The following KCNAB1 variants were observed in gnomAD, a reference collection of about 807,000 sequenced individuals.
The protein encoded by KCNAB1 is potassium voltage-gated channel subfamily A regulatory beta subunit 1.
Under a neutral mutation model 64.6 loss-of-function variants are expected in KCNAB1, and 35 were observed. The observed-to-expected ratio is 0.54, with a 90% CI of 0.41 to 0.72. KCNAB1 has a LOEUF of 0.72. KCNAB1 is among the 30% of genes least tolerant of loss of function. The pLI, the probability that KCNAB1 is intolerant of heterozygous loss-of-function variation, is 0.00. For synonymous variants in KCNAB1, 177 were observed against 183.8 expected, an observed-to-expected ratio of 0.96 and a Z score of 0.30; for missense variants, 401 against 512.9, an observed-to-expected ratio of 0.78 and a Z score of 2.11.
At chr3:156,264,039 A>G (rs1254136017) in intron 1 of KCNAB1, among the ~76,000 whole-genome samples, 1 of 151,852 alleles carries the variant, frequency 6.6e-6, no homozygotes, top group Non-Finnish European at 1.5e-5. Context: ...TGAATTGTCT[A>G]TTTTTCCTTT....
chr3:156,478,887 A>C lies in KCNAB1; in HGVS notation c.658+4067A>C, dbSNP rs1441733982. ...CAATAGACAAAAAGCGAGTCCTCTC[A>C]AAAGAATGGCTGTAAATTCCAAAGG... On this transcript the variant is annotated intron_variant, in intron 8 of 13. Coordinates refer to ENST00000490337, the MANE Select transcript of KCNAB1 (RefSeq NM_172160.3). Among the ~76,000 whole-genome samples the C allele has an allele frequency of 2.0e-5, 3 of 152,210 alleles. No homozygotes were observed. In the East Asian group the frequency reaches 5.8e-4, roughly 30 times the overall value.
intron 1 of KCNAB1, among the ~76,000 whole-genome samples, chr3:156,300,189 C>T (rs113080064): frequency 8.3e-4 from 126 of 152,228 alleles, no homozygotes; most frequent in Admixed American, 4.2e-3. Context: ...TGTTCTACTA[C>T]GAAACCATCC....
At chr3:156,198,416 G>A (rs1251676969) in intron 1 of KCNAB1, among the ~76,000 whole-genome samples, 1 of 152,044 alleles carries the variant, frequency 6.6e-6, no homozygotes, top group Admixed American at 6.6e-5. Context: ...TTATTGTGTG[G>A]GAGTCTAAGT....
At chr3:156,386,248 GGACTTTATAC>G (rs1346458194) in intron 1 of KCNAB1, among the ~76,000 whole-genome samples, 36 of 152,328 alleles carry the variant, frequency 2.4e-4, no homozygotes, top group African/African-American at 8.7e-4. Context: ...CGTGATCCTA[GGACTTTATAC>G]GCTGGCCCCT....
intron 1 of KCNAB1, among the ~76,000 whole-genome samples, chr3:156,142,217 C>T (rs1350734270): frequency 6.6e-6 from 1 of 152,106 alleles, no homozygotes; most frequent in East Asian, 1.9e-4. Flanking sequence ...TTAAAATCCC[C>T]TTCACGTGGT....
chr3:156,229,647 G>A (rs1716400259), intron 1 of KCNAB1, among the ~76,000 whole-genome samples: 1 of 152,162 alleles, frequency 6.6e-6, no homozygotes, highest in East Asian at 1.9e-4. Flanking sequence ...CAGAAAAGCA[G>A]GAGGGACTAG....
chr3:156,523,393 T>A (rs891527798), intron 11 of KCNAB1, among the ~76,000 whole-genome samples: 1 of 152,174 alleles, frequency 6.6e-6, no homozygotes, highest in Non-Finnish European at 1.5e-5. Flanking sequence ...ATAGTGGTTT[T>A]CTTTGAGCAG....
intron 8 of KCNAB1, among the ~76,000 whole-genome samples, chr3:156,493,097 C>T (rs1715750174): frequency 6.6e-6 from 1 of 152,090 alleles, no homozygotes; most frequent in Admixed American, 6.6e-5. Flanking sequence ...CTGTCAAAGT[C>T]TAGACACAGT....
In KCNAB1 at chr3:156,122,394, A is replaced by G. The variant is rs372062127; in HGVS notation, c.275+1508A>G. On this transcript the variant is annotated intron_variant, in intron 1 of 13. Coordinates refer to ENST00000490337, the MANE Select transcript of KCNAB1 (RefSeq NM_172160.3). ...GCGATATACCAGAAATTTCCTTTAA[A>G]GAGTCTAATACAAGACCACAGAATT... 3.9e-5 allele frequency among the ~76,000 whole-genome samples: 6 copies of G among 152,340 alleles called. No individual in the cohort carries two copies. The East Asian group carries it at 5.8e-4, about 15-fold the overall frequency.
intron 1 of KCNAB1, among the ~76,000 whole-genome samples, chr3:156,368,111 C>A (rs937911163): frequency 6.6e-6 from 1 of 152,180 alleles, no homozygotes; most frequent in African/African-American, 2.4e-5. Context: ...ACAGAATGCC[C>A]AGTTAAATTT....
At chr3:156,426,951 G>A (rs1315808895) in intron 2 of KCNAB1, among the ~76,000 whole-genome samples, 2 of 152,206 alleles carry the variant, frequency 1.3e-5, no homozygotes, top group Admixed American at 1.3e-4. Flanking sequence ...GGTATTAGAA[G>A]CAACATGAAG....
intron 2 of KCNAB1, among the ~76,000 whole-genome samples, chr3:156,425,883 G>A (rs1024416135): frequency 3.9e-5 from 6 of 152,114 alleles, no homozygotes; most frequent in Admixed American, 6.5e-5. Context: ...GGGGAACAAG[G>A]GTTGCCACTT....
intron 1 of KCNAB1, among the ~76,000 whole-genome samples, chr3:156,329,954 G>T (rs1477005019): frequency 6.6e-6 from 1 of 151,950 alleles, no homozygotes; most frequent in African/African-American, 2.4e-5. Flanking sequence ...CGGAAAATGG[G>T]GTAAATAGAG....
chr3:156,466,162 G>A (rs1199003330), intron 7 of KCNAB1, among the ~76,000 whole-genome samples: 1 of 151,970 alleles, frequency 6.6e-6, no homozygotes, highest in East Asian at 1.9e-4. Flanking sequence ...ACAGTCCCAA[G>A]CAACCATAAA....
In KCNAB1 at chr3:156,282,731, T is replaced by G. The variant is rs1214089581; in HGVS notation, c.276-138885T>G. Among the ~76,000 whole-genome samples, 629 of 134,964 alleles carry G rather than the reference T, an allele frequency of 4.7e-3. 1 individual carries two copies. Among genetic ancestry groups the G allele is most frequent in the African/African-American group, 0.017 (594 of 34,512 alleles). 88.5% of individuals were successfully genotyped at this position (134,964 alleles called of 152,430 possible). On this transcript the variant is annotated intron_variant, in intron 1 of 13. Coordinates refer to ENST00000490337, the MANE Select transcript of KCNAB1 (RefSeq NM_172160.3). ...TTTACCATTATGTAATGGCCTTCTT[T>G]GTCTCTTTTGATCTTTGTTGGTTTA...
At chr3:156,241,823 A>C (rs1031890212) in intron 1 of KCNAB1, among the ~76,000 whole-genome samples, 3 of 152,108 alleles carry the variant, frequency 2.0e-5, no homozygotes, top group African/African-American at 7.2e-5. Context: ...CCAGTGTCTA[A>C]GAAAAGGTGA....
chr3:156,228,316 G>A (rs1716307250), intron 1 of KCNAB1, among the ~76,000 whole-genome samples: 1 of 152,146 alleles, frequency 6.6e-6, no homozygotes, highest in South Asian at 2.1e-4. Context: ...TTCACAAAAA[G>A]CCATACACTT....
chr3:156,489,391 A>C (rs536804497), intron 8 of KCNAB1, among the ~76,000 whole-genome samples: 162 of 151,366 alleles, frequency 1.1e-3, no homozygotes, highest in African/African-American at 3.7e-3. Flanking sequence ...CCGATAGGTC[A>C]AGTAAGATGA....
intron 1 of KCNAB1, among the ~76,000 whole-genome samples, chr3:156,351,916 C>T (rs1724887497): frequency 6.6e-6 from 1 of 152,206 alleles, no homozygotes; most frequent in Non-Finnish European, 1.5e-5. Flanking sequence ...TTTGAGTCTT[C>T]ATCCATGCAG....
Sources: gnomAD v4.1 joint callset for allele counts (sites outside exome capture counted in the v4.1 genomes callset) on GRCh38, gnomAD v4.1.1 for gene constraint, MANE v1.5 for transcripts, NCBI Gene and HGNC (gene_info 2026-07-23, HGNC 2026-07-21) for gene names.